Variants in PABPC4L observed in about 807,000 individuals in gnomAD.
The protein encoded by PABPC4L is poly(A) binding protein cytoplasmic 4 like, also known as polyadenylate-binding protein 4-like.
For missense variants in PABPC4L, 452 were observed against 451.4 expected (o/e 1.00, Z -0.01); for synonymous variants, 169 against 164.1 (o/e 1.03, Z -0.23).
At chr4:134,027,480 T>C in the PABPC4L span, among the ~76,000 whole-genome samples, 1 of 152,166 alleles carries the variant, frequency 6.6e-6, no homozygotes, top group Non-Finnish European at 1.5e-5. Context: ...TATTCATTTT[T>C]TGTTGGACAT....
At chr4:134,158,638 T>C in the PABPC4L span, among the ~76,000 whole-genome samples, 1 of 152,150 alleles carries the variant, frequency 6.6e-6, no homozygotes, top group Non-Finnish European at 1.5e-5. Context: ...CTTGCCTGGA[T>C]ACTCAAAGAA....
chr4:134,193,477 G>C (rs542482251), downstream of PABPC4L, among the ~76,000 whole-genome samples: 1 of 151,924 alleles, frequency 6.6e-6, no homozygotes, highest in Admixed American at 6.6e-5. Flanking sequence ...CACCATATGT[G>C]ATCTAATTTT....
the PABPC4L span, among the ~76,000 whole-genome samples, chr4:133,990,936 G>A: frequency 1.3e-5 from 2 of 152,034 alleles, no homozygotes; most frequent in Non-Finnish European, 2.9e-5. Flanking sequence ...TTCCAAGAAA[G>A]TTTTCATCTT....
chr4:134,190,798 C>T, the PABPC4L span, among the ~76,000 whole-genome samples: 1 of 151,990 alleles, frequency 6.6e-6, no homozygotes, highest in Non-Finnish European at 1.5e-5. Flanking sequence ...GTTACAGGTG[C>T]ACCTCACCAC....
the PABPC4L span, among the ~76,000 whole-genome samples, chr4:134,132,640 G>A: frequency 6.6e-6 from 1 of 151,704 alleles, no homozygotes; most frequent in Non-Finnish European, 1.5e-5. Context: ...AACCACTATG[G>A]AAAAGTGCGT....
the PABPC4L span, among the ~76,000 whole-genome samples, chr4:133,983,806 A>T: frequency 6.6e-6 from 1 of 151,836 alleles, no homozygotes; most frequent in Non-Finnish European, 1.5e-5. Flanking sequence ...TGAAATACTG[A>T]TAATTTATTT....
the PABPC4L span, among the ~76,000 whole-genome samples, chr4:134,015,090 C>G: frequency 6.6e-6 from 1 of 152,052 alleles, no homozygotes; most frequent in Non-Finnish European, 1.5e-5. Flanking sequence ...CCCTCCTTGG[C>G]GACTGATCAT....
chr4:134,035,458 T>A, the PABPC4L span, among the ~76,000 whole-genome samples: 1 of 152,036 alleles, frequency 6.6e-6, no homozygotes, highest in African/African-American at 2.4e-5. Flanking sequence ...TAATTCACTT[T>A]ATTAAATTAT....
At chr4:134,086,364 T>C in the PABPC4L span, among the ~76,000 whole-genome samples, 1 of 152,170 alleles carries the variant, frequency 6.6e-6, no homozygotes, top group African/African-American at 2.4e-5. Flanking sequence ...GTCACTCCCC[T>C]AAAGGCAGCA....
At chr4:133,984,293 T>C in the PABPC4L span, among the ~76,000 whole-genome samples, 1 of 152,006 alleles carries the variant, frequency 6.6e-6, no homozygotes, top group African/African-American at 2.4e-5. Context: ...TTTACAGTAT[T>C]GGAAGAGAGA....
rs1729700194 is a variant in PABPC4L at position 134,197,507 on chromosome 4, C to T, written c.*2400G>A. On this transcript the variant is annotated 3_prime_UTR_variant, in exon 2 of 2. Transcript: ENST00000421491. ...TACTAAAACTTTCCAGCTTAACATT[C>T]AATTTTGGAATAACCTTCAAAACTA... The T allele has an allele frequency of 6.6e-6, 1 of 151,542 alleles. No homozygotes were observed. Among genetic ancestry groups the T allele is most frequent in the African/African-American group, 2.4e-5 (1 of 41,370 alleles). The allele number at this position is 151,542 out of a possible 1,614,324, so 9.4% of individuals were successfully genotyped here. A position where few individuals can be genotyped will look rare whatever the true frequency, so the allele number is the denominator to read the frequency against.
chr4:134,141,494 A>T, the PABPC4L span, among the ~76,000 whole-genome samples: 1 of 149,756 alleles, frequency 6.7e-6, no homozygotes, highest in Non-Finnish European at 1.5e-5. Flanking sequence ...TATATATTAT[A>T]TTATAACTAT....
At chr4:134,092,888 GA>G in the PABPC4L span, among the ~76,000 whole-genome samples, 1 of 152,050 alleles carries the variant, frequency 6.6e-6, no homozygotes, top group Non-Finnish European at 1.5e-5. Context: ...GTCCTTTTCT[GA>G]GGTAATTTCC....
chr4:134,017,159 C>G, the PABPC4L span, among the ~76,000 whole-genome samples: 4 of 152,162 alleles, frequency 2.6e-5, no homozygotes, highest in Admixed American at 2.6e-4. Flanking sequence ...ATATCCCTAA[C>G]AGTCCTCAGT....
At chr4:134,167,833 G>A in the PABPC4L span, among the ~76,000 whole-genome samples, 1 of 151,996 alleles carries the variant, frequency 6.6e-6, no homozygotes, top group African/African-American at 2.4e-5. Flanking sequence ...CCCCAATACA[G>A]TAATAGTTGA....
the PABPC4L span, among the ~76,000 whole-genome samples, chr4:134,027,571 T>A: frequency 2.0e-5 from 3 of 152,200 alleles, no homozygotes; most frequent in African/African-American, 7.2e-5. Context: ...ACAAACTGAT[T>A]TCCAATCTTT....
the PABPC4L span, among the ~76,000 whole-genome samples, chr4:134,168,677 T>A: frequency 1.8e-4 from 28 of 151,874 alleles, no homozygotes; most frequent in East Asian, 5.2e-3. Flanking sequence ...AGAAGAAATG[T>A]GTAAATTCCT....
At chr4:134,075,013 C>T in the PABPC4L span, among the ~76,000 whole-genome samples, 5 of 152,032 alleles carry the variant, frequency 3.3e-5, no homozygotes, top group African/African-American at 4.8e-5. Context: ...CAGTTAATCT[C>T]CTTGGGGAGG....
At chr4:134,164,351 A>AATGAT in the PABPC4L span, among the ~76,000 whole-genome samples, 2 of 151,516 alleles carry the variant, frequency 1.3e-5, no homozygotes, top group Non-Finnish European at 2.9e-5. Context: ...TCTGTTTGCC[A>AATGAT]ATGATGTGAT....
Sources: allele counts gnomAD v4.1 joint callset (sites outside exome capture counted in the v4.1 genomes callset), GRCh38; gene constraint gnomAD v4.1.1; transcripts MANE v1.5; gene names NCBI Gene and HGNC (gene_info 2026-07-23, HGNC 2026-07-21).